MYOF: variants seen among roughly 807,000 people sequenced by gnomAD.
The protein encoded by MYOF is myoferlin, also known as fer-1-like 3, myoferlin.
In MYOF, 244 loss-of-function variants were observed where a neutral mutation model predicts 284.2. The ratio of observed to expected loss-of-function variants is 0.86; its 90% CI spans 0.77 to 0.95. MYOF has a LOEUF of 0.95. MYOF is among the 40% of genes least tolerant of loss of function. MYOF has a pLI of 0.00. For missense variants in MYOF, 2,496 were observed against 2,560.6 expected (o/e 0.97, Z 0.54); for synonymous variants, 904 against 919.7 (o/e 0.98, Z 0.31).
intron 1 of MYOF, among the ~76,000 whole-genome samples, chr10:93,469,763 G>A (rs927648630): frequency 1.3e-5 from 2 of 152,150 alleles, no homozygotes; most frequent in African/African-American, 4.8e-5. Flanking sequence ...GCTGCATAAG[G>A]GACAGCACAG....
rs1211730193 is a variant in MYOF, at chr10:93,397,241, A to ACTCAC, written c.1334+1_1334+5dup. ...TGAATTAGACACATACGTATTTTCA[A>ACTCAC]CTCACCAGTCATATATTGTTAGTTT... On this transcript the variant is annotated splice_donor_region_variant and intron_variant, in intron 15 of 53. Coordinates refer to ENST00000359263, the MANE Select transcript of MYOF (RefSeq NM_013451.4). 6.3e-7 allele frequency: 1 copy of ACTCAC among 1,577,294 alleles called. No individual in the cohort carries two copies. The highest frequency in any genetic ancestry group is 1.4e-5 in the African/African-American group (1 of 73,906).
rs757067658 is a variant in MYOF at position 93,316,754 on chromosome 10, C to T, written c.5658G>A (p.Gln1886=). The change falls in exon 50 of 54, where the codon CAG becomes CAA. Residue 1886 remains glutamine, a synonymous_variant. Transcript: ENST00000359263. ...GAGAAAACTTGTCATTGTCCCATAT[C>T]TGAATGATCAGCCTGGGTGGGATTC... ...EFRIPPRLII[Q]IWDNDKFSLD... is the part of the protein sequence containing the mutation. The T allele has an allele frequency of 1.2e-6, 2 of 1,614,074 alleles. No individual in the cohort carries two copies. Among genetic ancestry groups the T allele is most frequent in the Non-Finnish European group, 8.5e-7 (1 of 1,179,966 alleles).
intron 2 of MYOF, among the ~76,000 whole-genome samples, chr10:93,453,564 G>T (rs565791542): frequency 1.5e-3 from 236 of 152,262 alleles, no homozygotes; most frequent in Non-Finnish European, 2.4e-3. Flanking sequence ...CTCCCAAAGT[G>T]CTGGGATTAC....
intron 5 of MYOF, among the ~76,000 whole-genome samples, chr10:93,422,183 A>C (rs2134174779): frequency 6.6e-6 from 1 of 152,370 alleles, no homozygotes; most frequent in South Asian, 2.1e-4. Context: ...ATTGCCCTGC[A>C]GACACAGCTC....
At chr10:93,340,735 T>TC (rs75964049) in intron 38 of MYOF, among the ~76,000 whole-genome samples, 45,478 of 149,898 alleles carry the variant, frequency 0.3, 8,740 homozygotes, top group East Asian at 0.89. Context: ...ATGTCAAGTT[T>TC]CCATTGGCCA....
At chr10:93,380,999 T>C (rs117883286) in intron 20 of MYOF, among the ~76,000 whole-genome samples, 8,566 of 152,234 alleles carry the variant, frequency 0.056, 333 homozygotes, top group Middle Eastern at 0.13. Context: ...AGGGTAGCAT[T>C]GGGGTTCAGC....
intron 27 of MYOF, 21 bp downstream of exon 27, chr10:93,363,940 T>C (rs1429324963): frequency 6.2e-7 from 1 of 1,608,986 alleles, no homozygotes; most frequent in East Asian, 2.2e-5. Flanking sequence ...TGAGAGTTTC[T>C]CTCCGGAGCA....
chr10:93,338,046 T>C, intron 39 of MYOF, 133 bp from the exon 40 acceptor site: 1 of 691,356 alleles, frequency 1.4e-6, no homozygotes, highest in South Asian at 1.8e-5. Flanking sequence ...ATATGACTTT[T>C]GTTTACATGC....
intron 20 of MYOF, among the ~76,000 whole-genome samples, chr10:93,380,614 T>C (rs190875143): frequency 6.6e-6 from 1 of 152,356 alleles, no homozygotes; most frequent in East Asian, 1.9e-4. Flanking sequence ...TATTGGAAGT[T>C]CTCATACTTT....
At chr10:93,478,152 A>C in intron 1 of MYOF, 2 of 271,828 alleles carry the variant, frequency 7.4e-6, no homozygotes. Flanking sequence ...ATATTATATT[A>C]TTTAAAATTA....
At chr10:93,312,890 T>G (rs1842454867) in intron 51 of MYOF, 130 bp downstream of exon 51, 1 of 939,504 alleles carries the variant, frequency 1.1e-6, no homozygotes, top group African/African-American at 1.7e-5. Flanking sequence ...GACAAACTGT[T>G]CCCATAACTT....
At position 93,442,041 on chromosome 10, in the gene MYOF, C is replaced by CAG. The variant is rs1554865125; in HGVS notation, c.236+10007_236+10008dup. On this transcript the variant is annotated intron_variant, in intron 3 of 53. Transcript: ENST00000359263. Reference sequence around the variant, plus strand: ...ACACACACACACACACACACACACACAGAATAAACCTTGGAAAGTCTGGGC... The same window carrying CAG: ...ACACACACACACACACACACACACACAGAGAATAAACCTTGGAAAGTCTGGGC... 4.0e-3 allele frequency among the ~76,000 whole-genome samples: 571 copies of CAG among 142,702 alleles called. 4 individuals are homozygous for CAG. The highest frequency in any genetic ancestry group is 0.015 in the East Asian group (71 of 4,892). The allele number at this position is 142,702 out of a possible 152,430, so 93.6% of individuals were successfully genotyped here.
At chr10:93,433,438 C>T (rs1848963575) in intron 3 of MYOF, among the ~76,000 whole-genome samples, 2 of 152,162 alleles carry the variant, frequency 1.3e-5, no homozygotes, top group African/African-American at 4.8e-5. Flanking sequence ...GGATTACAGG[C>T]GTGAGCCGCC....
At chr10:93,331,755 A>G (rs1023407184) in intron 43 of MYOF, among the ~76,000 whole-genome samples, 2 of 152,144 alleles carry the variant, frequency 1.3e-5, no homozygotes, top group South Asian at 4.1e-4. Context: ...TGTGTGACAC[A>G]TGACAGAGAA....
chr10:93,329,495 C>T (rs1843203306), intron 44 of MYOF, among the ~76,000 whole-genome samples, 169 bp downstream of exon 44: 1 of 152,280 alleles, frequency 6.6e-6, no homozygotes. Context: ...GAATAGGGGC[C>T]ATGAGGTGGC....
At chr10:93,461,255 T>C (rs2056874990) in intron 1 of MYOF, among the ~76,000 whole-genome samples, 1 of 152,204 alleles carries the variant, frequency 6.6e-6, no homozygotes, top group Non-Finnish European at 1.5e-5. Context: ...CAGAAATGGT[T>C]CACTGAGTGA....
chr10:93,331,651 C>T (rs1843307017), intron 43 of MYOF, among the ~76,000 whole-genome samples: 1 of 148,524 alleles, frequency 6.7e-6, no homozygotes. Flanking sequence ...CAGAGGATTA[C>T]TTCCATTCCC....
At chr10:93,331,797 G>A (rs755029755) in intron 43 of MYOF, among the ~76,000 whole-genome samples, 7 of 152,078 alleles carry the variant, frequency 4.6e-5, no homozygotes, top group Non-Finnish European at 8.8e-5. Context: ...CAACAAACCC[G>A]AGAAGGAAAG....
intron 3 of MYOF, among the ~76,000 whole-genome samples, chr10:93,438,165 A>G (rs1173055241): frequency 2.6e-5 from 4 of 151,906 alleles, no homozygotes; most frequent in African/African-American, 9.7e-5. Flanking sequence ...TGACTGTGAC[A>G]TTTCCTCTTA....
Sources: allele counts gnomAD v4.1 joint callset (sites outside exome capture counted in the v4.1 genomes callset), GRCh38; gene constraint gnomAD v4.1.1; transcripts MANE v1.5; gene names NCBI Gene and HGNC (gene_info 2026-07-23, HGNC 2026-07-21).